Variants in TMC4 observed in about 807,000 individuals in gnomAD.
TMC4 encodes the protein transmembrane channel like 4, also known as voltage-gated chloride channel TMC4.
In TMC4, 70 loss-of-function variants were observed where a neutral mutation model predicts 82.0. The observed-to-expected ratio is 0.85, with a 90% CI of 0.70 to 1.04. TMC4 has a LOEUF of 1.04. Among genes scored for constraint, TMC4 ranks in the 50% least tolerant of loss-of-function variants. The pLI is 0.00. For synonymous variants in TMC4, 446 were observed against 406.0 expected, an observed-to-expected ratio of 1.10 and a Z score of -1.18; for missense variants, 879 against 899.0, an observed-to-expected ratio of 0.98 and a Z score of 0.28.
At chr19:54,169,901 C>T (rs1438457878) in intron 2 of TMC4, among the ~76,000 whole-genome samples, 2 of 151,204 alleles carry the variant, frequency 1.3e-5, no homozygotes, top group African/African-American at 2.4e-5. Flanking sequence ...ACCAGCCTGA[C>T]CAACATGGTG....
chr19:54,168,876 T>C lies in TMC4; in HGVS notation c.443-196A>G, dbSNP rs866323339. Among the ~76,000 whole-genome samples the C allele has an allele frequency of 2.7e-3, 109 of 40,334 alleles. 3 individuals carry two copies. Among genetic ancestry groups the C allele is most frequent in the Non-Finnish European group, 3.9e-3 (85 of 21,976 alleles). The allele number at this position is 40,334 out of a possible 152,430, so 26.5% of individuals were successfully genotyped here. A position where few individuals can be genotyped will look rare whatever the true frequency, so the allele number is the denominator to read the frequency against. ...TCTTTTCTTTTCTTTTCTTTTCTTT[T>C]CTTTTCTTTTCTTTCTTTCCTTTCT... On this transcript the variant is annotated intron_variant, in intron 3 of 14. Transcript: ENST00000619895.
At position 54,164,570 on chromosome 19, in the gene TMC4, T is replaced by C. The variant is rs757016480; in HGVS notation, c.977A>G (p.Gln326Arg). ...CTGGCCCAGCGTCCGCACCGCAGCC[T>C]GGCGCCGCACCACTGTCTCCTCCAG... The part of the protein sequence containing the change: ...VELEETVVRR[Q>R]AAVRTLGQQA... The change falls in exon 7 of 15, where the codon CAG (glutamine) becomes CGG (arginine). Residue 326 changes from glutamine to arginine, a missense_variant. Gln to Arg is a conservative substitution (Grantham distance 43, BLOSUM62 1). Coordinates refer to ENST00000619895, the MANE Select transcript of TMC4 (RefSeq NM_144686.4). 9 of 1,613,662 alleles carry C rather than the reference T, an allele frequency of 5.6e-6. No individual in the cohort carries two copies. The South Asian group carries it at 8.8e-5, about 16-fold the overall frequency.
chr19:54,160,901 A>G lies in TMC4; in HGVS notation c.1950T>C (p.Ala650=), dbSNP rs547297174. Residue 650 remains alanine, a synonymous_variant, in exon 13 of 15, where the codon GCT becomes GCC. Transcript: ENST00000619895. ...FLFFLGTQAF[A]VPLLLISSIL... Reference sequence around the variant, plus strand: ...ACCTGGAGATCAGCAGAAGGGGCACAGCAAAAGCCTGGGTCCCCAGGAAGA... The same window carrying G: ...ACCTGGAGATCAGCAGAAGGGGCACGGCAAAAGCCTGGGTCCCCAGGAAGA... 4.3e-6 allele frequency: 7 copies of G among 1,614,122 alleles called. No homozygotes were observed. Among genetic ancestry groups the G allele is most frequent in the African/African-American group, 4.0e-5 (3 of 75,036 alleles).
At chr19:54,171,589 G>C (rs780759483) in intron 2 of TMC4, among the ~76,000 whole-genome samples, 30 of 152,210 alleles carry the variant, frequency 2.0e-4, no homozygotes, top group Admixed American at 6.5e-4. Context: ...CACACACACA[G>C]AGAGAAACTG....
chr19:54,165,147 A>G (rs2146885282), intron 6 of TMC4, among the ~76,000 whole-genome samples: 1 of 148,880 alleles, frequency 6.7e-6, no homozygotes, highest in East Asian at 2.0e-4. Context: ...GACTGAAGCG[A>G]TCCACCTGTC....
rs752067774 is a variant in TMC4, at chr19:54,161,175, A to T, written c.1772T>A (p.Leu591Gln). The T allele has an allele frequency of 6.3e-7, 1 of 1,593,546 alleles. No homozygotes were observed. The highest frequency in any genetic ancestry group is 8.5e-7 in the Non-Finnish European group (1 of 1,171,890). Residue 591 changes from leucine (L) to glutamine (Q), a missense_variant, in exon 12 of 15, where the codon CTG becomes CAG. Physicochemically the swap from Leu to Gln is moderately radical, Grantham distance 113 (BLOSUM62 -2). Coordinates refer to ENST00000619895, the MANE Select transcript of TMC4 (RefSeq NM_144686.4). Reference protein sequence around the residue: ...ANFFFPLVLLLGLAISSVPLL... With the variant: ...ANFFFPLVLLQGLAISSVPLL... ...GGGAACGCTGGAGATGGCCAGACCC[A>T]GGAGAAGGACCAAGGGGAAAAAGAA...
intron 13 of TMC4, 124 bp from the exon 14 acceptor site, chr19:54,160,669 G>A: frequency 1.3e-6 from 2 of 1,514,852 alleles, no homozygotes; most frequent in Non-Finnish European, 1.8e-6. Flanking sequence ...AAGGAGTTCA[G>A]TCTCCCAGCC....
In TMC4 at chr19:54,171,910, G is replaced by A. The variant is rs757622814; in HGVS notation, c.253C>T (p.Arg85Trp). Residue 85 changes from arginine (R) to tryptophan (W), a missense_variant, in exon 2 of 15, where the codon CGG becomes TGG. Physicochemically the swap from Arg to Trp is moderately radical, Grantham distance 101. Coordinates refer to ENST00000619895, the MANE Select transcript of TMC4 (RefSeq NM_144686.4). ...GCCTGCATGGGCCAGGGCAGTTCCC[G>A]GGAAGGGTGAGGGTCCTGCAGCTCT... is the stretch of plus-strand genomic sequence containing the variant. Reference protein sequence around the residue: ...QTELQDPHPSRELPWPMQARR... With the variant: ...QTELQDPHPSWELPWPMQARR... The A allele has an allele frequency of 1.5e-5, 24 of 1,612,582 alleles. No individual in the cohort carries two copies. Among genetic ancestry groups the A allele is most frequent in the Middle Eastern group, 3.3e-4 (2 of 6,070 alleles).
intron 5 of TMC4, among the ~76,000 whole-genome samples, chr19:54,166,816 G>A (rs1052882069): frequency 6.6e-6 from 1 of 152,152 alleles, no homozygotes; most frequent in Non-Finnish European, 1.5e-5. Flanking sequence ...AGCCGGGCAT[G>A]GTGGCACATG....
rs992792027 is a variant in TMC4 at position 54,162,348 on chromosome 19, C to T, written c.1503-63G>A. ...GTGGCGGCCTGGAGTTTCCACGCCTCCACCGCCCCGCCCGCCAATAGGAAG... is the reference window on the plus strand; with the variant it reads ...GTGGCGGCCTGGAGTTTCCACGCCTTCACCGCCCCGCCCGCCAATAGGAAG... On this transcript the variant is annotated intron_variant, in intron 10 of 14. Transcript: ENST00000619895. 59 of 1,283,620 alleles carry T rather than the reference C, an allele frequency of 4.6e-5. No homozygotes were observed. The African/African-American group carries it at 8.4e-4, about 18-fold the overall frequency. The allele number at this position is 1,283,620 out of a possible 1,614,324, so 79.5% of individuals were successfully genotyped here.
At position 54,164,621 on chromosome 19, in the gene TMC4, C is replaced by T. The variant is rs1048907599; in HGVS notation, c.946-20G>A. On this transcript the variant is annotated intron_variant, in intron 6 of 14. Transcript: ENST00000619895. ...CTCCACCTGAAGGCAGGAGAGATGC[C>T]CGCTTGGACTCCATTTCCCAAGGCG... 6.2e-7 allele frequency: 1 copy of T among 1,611,036 alleles called. No individual in the cohort carries two copies. Among genetic ancestry groups the T allele is most frequent in the African/African-American group, 1.3e-5 (1 of 74,914 alleles).
chr19:54,171,837 C>A (rs776014485), intron 2 of TMC4, 33 bp downstream of exon 2: 2 of 1,554,770 alleles, frequency 1.3e-6, no homozygotes, highest in South Asian at 1.2e-5. Flanking sequence ...CCGGTCCGGG[C>A]TGTGCGGGTC....
At chr19:54,167,647 C>T (rs748735218) in intron 5 of TMC4, among the ~76,000 whole-genome samples, 80 of 149,500 alleles carry the variant, frequency 5.4e-4, no homozygotes, top group Non-Finnish European at 8.6e-4. Context: ...TTCTCTCTGT[C>T]GCCCAGGCTG....
intron 5 of TMC4, 82 bp downstream of exon 5, chr19:54,168,089 G>T: frequency 1.4e-6 from 2 of 1,442,836 alleles, no homozygotes; most frequent in Non-Finnish European, 1.9e-6. Flanking sequence ...GAGGATTCTT[G>T]GGGAGGGGGT....
At chr19:54,162,837 G>A in intron 9 of TMC4, 67 bp from the exon 10 acceptor site, 3 of 1,528,268 alleles carry the variant, frequency 2.0e-6, no homozygotes, top group South Asian at 1.1e-5. Flanking sequence ...ACGCGTCCGA[G>A]TCTCCACATC....
chr19:54,161,302 G>C, intron 11 of TMC4, 42 bp from the exon 12 acceptor site: 1 of 1,409,926 alleles, frequency 7.1e-7, no homozygotes, highest in Non-Finnish European at 9.3e-7. Flanking sequence ...TGAAACACAA[G>C]AGTCTGTGCC....
rs150664355 is a variant in TMC4, at chr19:54,165,411, A to C, written c.945+8T>G. On this transcript the variant is annotated splice_region_variant and intron_variant, in intron 6 of 14. Transcript: ENST00000619895. ...TACCCAGTTGCAGACCCCGCTCCCT[A>C]ATCGCACCTTTAATTCGTACAAGAT... 1 of 1,590,858 alleles carries C rather than the reference A, an allele frequency of 6.3e-7. No homozygotes were observed. Among genetic ancestry groups the C allele is most frequent in the African/African-American group, 1.3e-5 (1 of 74,698 alleles).
chr19:54,165,380 G>T, intron 6 of TMC4, 39 bp downstream of exon 6: 18 of 1,561,744 alleles, frequency 1.2e-5, no homozygotes, highest in Non-Finnish European at 1.4e-5. Context: ...GGTCCTGTCT[G>T]GTCCCTACCC....
In TMC4 at chr19:54,165,496, A is replaced by C; in HGVS notation, c.868T>G (p.Phe290Val). 6.2e-7 allele frequency: 1 copy of C among 1,613,094 alleles called. No homozygotes were observed. The highest frequency in any genetic ancestry group is 8.5e-7 in the Non-Finnish European group (1 of 1,179,558). The change falls in exon 6 of 15, where the codon TTC becomes GTC. Residue 290 changes from phenylalanine to valine, a missense_variant. Phe to Val is a conservative substitution (Grantham distance 50). Coordinates refer to ENST00000619895, the MANE Select transcript of TMC4 (RefSeq NM_144686.4). Reference protein sequence around the residue: ...EALTSYSHRVFSAWDFGLCGD... With the variant: ...EALTSYSHRVVSAWDFGLCGD... ...CAGAGACCGAAGTCCCAGGCCGAGA[A>C]CACCCGGTGGCTGTAGCTGGTCAGA...
Sources: gnomAD v4.1 joint callset for allele counts (sites outside exome capture counted in the v4.1 genomes callset) on GRCh38, gnomAD v4.1.1 for gene constraint, MANE v1.5 for transcripts, NCBI Gene and HGNC (gene_info 2026-07-23, HGNC 2026-07-21) for gene names.